The following KIAA1217 variants were observed in gnomAD, a reference collection of about 807,000 sequenced individuals.
KIAA1217 encodes the protein KIAA1217.
KIAA1217 carries 88 observed loss-of-function variants against 163.9 expected under a neutral mutation model. That is an observed-to-expected ratio of 0.54 (90% confidence interval 0.45 to 0.64). The LOEUF (loss-of-function observed/expected upper bound fraction) is 0.64. Among genes scored for constraint, KIAA1217 ranks in the 30% least tolerant of loss-of-function variants. The pLI is 0.00. For synonymous variants in KIAA1217, 903 were observed against 923.1 expected (o/e 0.98, Z 0.39); for missense variants, 2,372 against 2,475.0 (o/e 0.96, Z 0.88).
intron 6 of KIAA1217, among the ~76,000 whole-genome samples, chr10:24,492,562 T>C (rs2066286222): frequency 6.6e-6 from 1 of 152,206 alleles, no homozygotes; most frequent in Admixed American, 6.5e-5. Context: ...AACCTTTAAC[T>C]ATCCAGACTG....
At chr10:24,073,477 C>A (rs2061261246) in intron 2 of KIAA1217, among the ~76,000 whole-genome samples, 1 of 152,148 alleles carries the variant, frequency 6.6e-6, no homozygotes, top group African/African-American at 2.4e-5. Flanking sequence ...TTCTTGGCTG[C>A]ATATGTAAAT....
intron 1 of KIAA1217, among the ~76,000 whole-genome samples, chr10:23,792,648 A>G (rs1282275552): frequency 2.1e-5 from 3 of 143,610 alleles, no homozygotes; most frequent in Non-Finnish European, 4.5e-5. Flanking sequence ...GCCTGCCACC[A>G]CGCCCGGCTA....
intron 2 of KIAA1217, among the ~76,000 whole-genome samples, chr10:24,051,608 C>A (rs886810409): frequency 2.6e-5 from 4 of 152,122 alleles, no homozygotes; most frequent in African/African-American, 9.7e-5. Context: ...ACCCCATCAA[C>A]GCCAACATCT....
chr10:24,010,731 T>C (rs1192612049), intron 2 of KIAA1217, among the ~76,000 whole-genome samples: 3 of 151,076 alleles, frequency 2.0e-5, no homozygotes, highest in Non-Finnish European at 4.4e-5. Context: ...CCAGTGGAGT[T>C]AGAATAAATA....
intron 1 of KIAA1217, among the ~76,000 whole-genome samples, chr10:23,721,793 G>A (rs1272959061): frequency 6.6e-6 from 1 of 151,862 alleles, no homozygotes; most frequent in Non-Finnish European, 1.5e-5. Context: ...CAACCCAAAT[G>A]CCTGAAGCTC....
At chr10:23,985,643 T>C (rs374930044) in intron 1 of KIAA1217, among the ~76,000 whole-genome samples, 2 of 152,172 alleles carry the variant, frequency 1.3e-5, no homozygotes, top group East Asian at 1.9e-4. Flanking sequence ...TCTGTATTAG[T>C]CGATATTCAA....
At chr10:24,376,782 A>C (rs142047682) in intron 2 of KIAA1217, among the ~76,000 whole-genome samples, 1 of 152,130 alleles carries the variant, frequency 6.6e-6, no homozygotes, top group Non-Finnish European at 1.5e-5. Context: ...TGAATGAATG[A>C]CCAACCAACC....
At chr10:24,405,715 G>T (rs2057135391) in intron 3 of KIAA1217, among the ~76,000 whole-genome samples, 1 of 152,194 alleles carries the variant, frequency 6.6e-6, no homozygotes, top group Non-Finnish European at 1.5e-5. Context: ...CTGAAAGGAA[G>T]TAGCTTTTTC....
At chr10:23,994,592 A>G (rs549092532) in intron 1 of KIAA1217, among the ~76,000 whole-genome samples, 2 of 152,182 alleles carry the variant, frequency 1.3e-5, no homozygotes, top group African/African-American at 4.8e-5. Flanking sequence ...GGAAGCCAAG[A>G]TCATGTCTGG....
intron 2 of KIAA1217, among the ~76,000 whole-genome samples, chr10:24,190,846 T>A (rs1255363585): frequency 1.3e-5 from 2 of 151,712 alleles, no homozygotes; most frequent in South Asian, 2.1e-4. Context: ...GAAGAGCAGA[T>A]CATTCCAGGG....
intron 3 of KIAA1217, among the ~76,000 whole-genome samples, chr10:24,388,098 A>G (rs1056478642): frequency 6.6e-6 from 1 of 152,194 alleles, no homozygotes; most frequent in Non-Finnish European, 1.5e-5. Context: ...TATAGCCAAG[A>G]CAATCCTAAG....
intron 14 of KIAA1217, among the ~76,000 whole-genome samples, chr10:24,528,963 C>T (rs770014268): frequency 6.6e-6 from 1 of 152,146 alleles, no homozygotes; most frequent in East Asian, 1.9e-4. Context: ...CTAAGAATCT[C>T]AACCTATTAA....
intron 1 of KIAA1217, among the ~76,000 whole-genome samples, chr10:23,957,193 C>T (rs558427871): frequency 4.6e-5 from 7 of 152,140 alleles, no homozygotes; most frequent in African/African-American, 1.7e-4. Flanking sequence ...TCCAGAGTCC[C>T]GTGTGTGCTG....
intron 1 of KIAA1217, among the ~76,000 whole-genome samples, chr10:23,748,640 C>T (rs1839558430): frequency 1.3e-5 from 2 of 151,756 alleles, no homozygotes; most frequent in African/African-American, 4.8e-5. Flanking sequence ...GATGGATTTG[C>T]TTATTTGCCT....
chr10:23,827,754 G>A (rs1292543069), intron 1 of KIAA1217, among the ~76,000 whole-genome samples: 1 of 152,176 alleles, frequency 6.6e-6, no homozygotes, highest in Admixed American at 6.6e-5. Flanking sequence ...ACAAGCCGCC[G>A]GTATGATTCC....
intron 2 of KIAA1217, among the ~76,000 whole-genome samples, chr10:24,309,382 G>C (rs986185310): frequency 6.6e-6 from 1 of 151,102 alleles, no homozygotes; most frequent in Non-Finnish European, 1.5e-5. Flanking sequence ...ACACACACGG[G>C]CTTCCATGTT....
At position 24,064,112 on chromosome 10, in the gene KIAA1217, T is replaced by C. The variant is rs556101976; in HGVS notation, c.-171+56738T>C. ...ACAGGGAGAATTTGACTTCCTCTTTTCCTAATTGAATGCCCTTTATTCCCT... is the reference window on the plus strand; with the variant it reads ...ACAGGGAGAATTTGACTTCCTCTTTCCCTAATTGAATGCCCTTTATTCCCT... On this transcript the variant is annotated intron_variant, in intron 2 of 18. Transcript: ENST00000376462. Among the ~76,000 whole-genome samples, 513 of 152,292 alleles carry C rather than the reference T, an allele frequency of 3.4e-3. 2 individuals carry two copies. The highest frequency in any genetic ancestry group is 0.012 in the African/African-American group (493 of 41,540).
chr10:23,727,604 T>C lies in KIAA1217; in HGVS notation c.-321+32370T>C, dbSNP rs138392495. Among the ~76,000 whole-genome samples the C allele has an allele frequency of 1.2e-3, 179 of 152,318 alleles. 13 individuals carry two copies. The East Asian group carries it at 0.027, about 23-fold the overall frequency. ...TTGTTATGATGCACATACATAGTTATATTTTTTTCATTTAATATTTTTAAC... is the reference window on the plus strand; with the variant it reads ...TTGTTATGATGCACATACATAGTTACATTTTTTTCATTTAATATTTTTAAC... On this transcript the variant is annotated intron_variant, in intron 1 of 18. Coordinates refer to the KIAA1217 transcript ENST00000376462.
intron 1 of KIAA1217, among the ~76,000 whole-genome samples, chr10:23,944,831 G>C (rs1322322080): frequency 6.6e-6 from 1 of 152,064 alleles, no homozygotes; most frequent in South Asian, 2.1e-4. Flanking sequence ...GGCCAAGGTG[G>C]GTGGATCACC....
Sources: gnomAD v4.1 joint callset for allele counts (sites outside exome capture counted in the v4.1 genomes callset) on GRCh38, gnomAD v4.1.1 for gene constraint, MANE v1.5 for transcripts, NCBI Gene and HGNC (gene_info 2026-07-23, HGNC 2026-07-21) for gene names.